CLPB: variants seen among roughly 807,000 people sequenced by gnomAD.
CLPB encodes the protein mitochondrial disaggregase.
In CLPB, 40 loss-of-function variants were observed where a neutral mutation model predicts 78.4. The ratio of observed to expected loss-of-function variants is 0.51; its 90% CI spans 0.40 to 0.66. The LOEUF is 0.66. CLPB is among the 30% of genes least tolerant of loss of function. The pLI is 0.00. For missense variants in CLPB, 780 were observed against 886.9 expected (o/e 0.88, Z 1.53); for synonymous variants, 333 against 348.0 (o/e 0.96, Z 0.48).
At chr11:72,372,903 T>C in intron 4 of CLPB, 1 of 1,601,120 alleles carries the variant, frequency 6.2e-7, no homozygotes, top group East Asian at 2.2e-5. Context: ...GGGAGAAATA[T>C]TATACAGAGC....
At chr11:72,433,540 GAAATAAATAAAT>G (rs563884899) in intron 1 of CLPB, among the ~76,000 whole-genome samples, 6,974 of 138,592 alleles carry the variant, frequency 0.05, 236 homozygotes, top group East Asian at 0.073. Flanking sequence ...CTCCATCTCA[GAAATAAATAAAT>G]AAATAAATAA....
At chr11:72,348,587 T>G (rs547476056) in intron 5 of CLPB, among the ~76,000 whole-genome samples, 7 of 152,294 alleles carry the variant, frequency 4.6e-5, no homozygotes, top group African/African-American at 1.4e-4. Context: ...CCTCCTCCAT[T>G]AAGCCTTCTA....
intron 5 of CLPB, among the ~76,000 whole-genome samples, chr11:72,342,660 G>C (rs928128283): frequency 1.3e-5 from 2 of 152,108 alleles, no homozygotes; most frequent in Non-Finnish European, 2.9e-5. Context: ...AGAGTTCAAA[G>C]TGCACTATCA....
chr11:72,355,262 A>C (rs530269724), intron 5 of CLPB: 9 of 152,386 alleles, frequency 5.9e-5, no homozygotes, highest in African/African-American at 2.2e-4. Context: ...AAGGCTTCTT[A>C]AGAGAGAGAG....
At chr11:72,322,479 C>T (rs1459192343) in intron 6 of CLPB, among the ~76,000 whole-genome samples, 2 of 152,250 alleles carry the variant, frequency 1.3e-5, no homozygotes, top group Non-Finnish European at 2.9e-5. Flanking sequence ...CCACTGCGCC[C>T]GGCAATGACT....
intron 4 of CLPB, among the ~76,000 whole-genome samples, chr11:72,376,755 T>C (rs567877532): frequency 5.8e-4 from 88 of 152,120 alleles, no homozygotes; most frequent in Admixed American, 3.1e-3. Context: ...CACTGCAACC[T>C]CTGCCTTCTG....
intron 9 of CLPB, chr11:72,302,954 A>G (rs1949686057): frequency 6.5e-6 from 1 of 153,944 alleles, no homozygotes; most frequent in Non-Finnish European, 1.4e-5. Flanking sequence ...TAAAAAAGAT[A>G]TCCATAACAT....
Position 72,308,610 on chromosome 11 carries a change from G to A in CLPB, c.989-6C>T. On this transcript the variant is annotated splice_region_variant and splice_polypyrimidine_tract_variant and intron_variant, in intron 7 of 15. Coordinates refer to ENST00000538039, the MANE Select transcript of CLPB (RefSeq NM_001258392.3). Reference sequence around the variant, plus strand: ...ATTCTCCTTCCTCCGGATCGCTACGGCCAAACACACAAGATCAGGGGACAG... The same window carrying A: ...ATTCTCCTTCCTCCGGATCGCTACGACCAAACACACAAGATCAGGGGACAG... The A allele has an allele frequency of 6.2e-7, 1 of 1,613,394 alleles. No homozygotes were observed. Among genetic ancestry groups the A allele is most frequent in the Non-Finnish European group, 8.5e-7 (1 of 1,179,328 alleles).
At chr11:72,311,602 TCTC>T (rs2135518104) in intron 7 of CLPB, among the ~76,000 whole-genome samples, 1 of 152,198 alleles carries the variant, frequency 6.6e-6, no homozygotes, top group African/African-American at 2.4e-5. Context: ...GAAGGTCAGC[TCTC>T]CTCCTCTGAC....
In CLPB at chr11:72,395,279, A is replaced by T. The variant is rs1467443873; in HGVS notation, c.542+7687T>A. Among the ~76,000 whole-genome samples, 111 of 152,138 alleles carry T rather than the reference A, an allele frequency of 7.3e-4. 1 individual carries two copies. Among genetic ancestry groups the T allele is most frequent in the Non-Finnish European group, 8.8e-5 (6 of 67,980 alleles). ...GTTCTCAAAATCCATATAATACATC[A>T]TGGGTCATCAAGAAACCCTGATAGA... On this transcript the variant is annotated intron_variant, in intron 3 of 15. Transcript: ENST00000538039.
rs187839229 is a variant in CLPB, at chr11:72,421,776, C to T, written c.455+8536G>A. On this transcript the variant is annotated intron_variant, in intron 2 of 15. Coordinates refer to ENST00000538039, the MANE Select transcript of CLPB (RefSeq NM_001258392.3). ...TACCCATGAAGTTATAGAGAAGCTGCTAATCCAACCTTTCCCAATTGCCTT... is the reference window on the plus strand; with the variant it reads ...TACCCATGAAGTTATAGAGAAGCTGTTAATCCAACCTTTCCCAATTGCCTT... Among the ~76,000 whole-genome samples the T allele has an allele frequency of 4.6e-3, 705 of 152,354 alleles. 2 individuals are homozygous for T. The highest frequency in any genetic ancestry group is 8.0e-3 in the Non-Finnish European group (547 of 68,040).
At chr11:72,425,732 T>C (rs998002110) in intron 2 of CLPB, among the ~76,000 whole-genome samples, 1 of 152,186 alleles carries the variant, frequency 6.6e-6, no homozygotes, top group African/African-American at 2.4e-5. Context: ...AGCAAGTGAC[T>C]TCCCCTCTGC....
intron 2 of CLPB, among the ~76,000 whole-genome samples, chr11:72,413,250 T>C (rs958104482): frequency 3.5e-4 from 53 of 151,920 alleles, no homozygotes; most frequent in African/African-American, 1.2e-3. Context: ...GATCGTGCTA[T>C]TGCACTCCAG....
chr11:72,332,120 G>A (rs1950237517), intron 5 of CLPB, among the ~76,000 whole-genome samples: 1 of 151,998 alleles, frequency 6.6e-6, no homozygotes, highest in South Asian at 2.1e-4. Flanking sequence ...ATTTAGTGCA[G>A]AATATTGATA....
In CLPB at chr11:72,346,235, A is replaced by C. The variant is rs192891772; in HGVS notation, c.775+12645T>G. Among the ~76,000 whole-genome samples the C allele has an allele frequency of 2.3e-3, 351 of 152,328 alleles. 3 individuals carry two copies. The highest frequency in any genetic ancestry group is 3.3e-3 in the Non-Finnish European group (226 of 68,028). On this transcript the variant is annotated intron_variant, in intron 5 of 15. Transcript: ENST00000538039. ...CCAGGAGTTTGAGAGCAGCCTGGAC[A>C]ACATAGCTAGATGCTGTTTCTTAAA... is the stretch of plus-strand genomic sequence containing the variant.
intron 9 of CLPB, chr11:72,302,573 C>T: frequency 3.8e-6 from 2 of 525,196 alleles, no homozygotes; most frequent in Non-Finnish European, 3.5e-6. Context: ...AAATCATGTA[C>T]CTGACCTTCT....
At chr11:72,376,890 G>A (rs1381277941) in intron 4 of CLPB, among the ~76,000 whole-genome samples, 9 of 152,050 alleles carry the variant, frequency 5.9e-5, no homozygotes, top group East Asian at 5.8e-4. Context: ...CAGGCTGCTC[G>A]AACTCCTAGC....
intron 4 of CLPB, among the ~76,000 whole-genome samples, chr11:72,378,552 C>T (rs1854794288): frequency 6.6e-6 from 1 of 152,150 alleles, no homozygotes; most frequent in Admixed American, 6.5e-5. Context: ...CCCTAGGTCC[C>T]TGCCACAACA....
In CLPB at chr11:72,301,969, T is replaced by C. The variant is rs1269046457; in HGVS notation, c.1168-5A>G. 1.2e-5 allele frequency: 19 copies of C among 1,613,236 alleles called. No homozygotes were observed. The highest frequency in any genetic ancestry group is 1.5e-5 in the Non-Finnish European group (18 of 1,179,638). On this transcript the variant is annotated splice_region_variant and splice_polypyrimidine_tract_variant and intron_variant, in intron 10 of 15. Transcript: ENST00000538039. ...AGACCCAATAAACTTGGCCACCTGG[T>C]AGAAGGAAGGAAACATGCTAGGAAG...
Sources: allele counts gnomAD v4.1 joint callset (sites outside exome capture counted in the v4.1 genomes callset), GRCh38; gene constraint gnomAD v4.1.1; transcripts MANE v1.5; gene names NCBI Gene and HGNC (gene_info 2026-07-23, HGNC 2026-07-21).